SCN8A: variants seen among roughly 807,000 people sequenced by gnomAD.
SCN8A encodes sodium channel protein type 8 subunit alpha.
In SCN8A, 30 loss-of-function variants were observed where a neutral mutation model predicts 184.1. The observed-to-expected ratio is 0.16, with a 90% CI of 0.12 to 0.22. The LOEUF (loss-of-function observed/expected upper bound fraction) is 0.22, where lower values mean the gene tolerates loss of function less well. Among genes scored for constraint, SCN8A ranks in the 10% least tolerant of loss-of-function variants. The pLI is 1.00. For synonymous variants in SCN8A, 852 were observed against 907.0 expected (o/e 0.94, Z 1.09); for missense variants, 1,057 against 2,498.9 (o/e 0.42, Z 12.30).
chr12:51,722,383 TG>T (rs1364703816), intron 12 of SCN8A: 1 of 168,130 alleles, frequency 5.9e-6, no homozygotes, highest in Non-Finnish European at 1.3e-5. Flanking sequence ...TGAACCGGTT[TG>T]GAACTACCAT....
At chr12:51,629,143 ATTTCT>A (rs935690491) in intron 1 of SCN8A, among the ~76,000 whole-genome samples, 1 of 152,142 alleles carries the variant, frequency 6.6e-6, no homozygotes, top group Non-Finnish European at 1.5e-5. Flanking sequence ...TGAGAAATAG[ATTTCT>A]TTATTAGCAG....
Position 51,793,798 on chromosome 12 carries a change from A to G in SCN8A, c.4525-573A>G, listed in dbSNP as rs1211680156. ...ATTGCTATGTGCTATGATCGCGCCT[A>G]TGCATAGCCACTGCACTCCAGCCTG... On this transcript the variant is annotated intron_variant, in intron 25 of 26. Coordinates refer to ENST00000627620, the MANE Select transcript of SCN8A (RefSeq NM_001330260.2). 3.3e-5 allele frequency among the ~76,000 whole-genome samples: 5 copies of G among 151,974 alleles called. No homozygotes were observed. The East Asian group carries it at 9.6e-4, about 29-fold the overall frequency.
At chr12:51,689,159 G>A in intron 6 of SCN8A, 63 bp downstream of exon 6, 1 of 1,222,906 alleles carries the variant, frequency 8.2e-7, no homozygotes, top group Non-Finnish European at 1.2e-6. Flanking sequence ...CATTCGTTTT[G>A]TCCACCATTC....
At chr12:51,613,927 C>A (rs748328786) in intron 1 of SCN8A, among the ~76,000 whole-genome samples, 8 of 151,988 alleles carry the variant, frequency 5.3e-5, no homozygotes, top group Non-Finnish European at 1.0e-4. Context: ...TGTATTATTT[C>A]AATATTTTAC....
intron 12 of SCN8A, among the ~76,000 whole-genome samples, chr12:51,733,925 T>C (rs947458703): frequency 3.3e-5 from 5 of 152,204 alleles, no homozygotes; most frequent in African/African-American, 1.2e-4. Flanking sequence ...GTTTCCCTTT[T>C]CATTTCTGAT....
chr12:51,768,984 T>C lies in SCN8A; in HGVS notation c.3021T>C (p.Gly1007=), dbSNP rs1478818479. The part of the protein sequence containing the change: ...LQISVIRIKK[G]VAWTKLKVHA... ...TCTCAGTGATCCGTATCAAGAAGGG[T>C]GTGGCCTGGACCAAACTAAAGGTGC... The change falls in exon 17 of 27, where the codon GGT becomes GGC. Residue 1007 remains glycine (G), a synonymous_variant. Coordinates refer to ENST00000627620, the MANE Select transcript of SCN8A (RefSeq NM_001330260.2). The C allele has an allele frequency of 6.2e-7, 1 of 1,613,900 alleles. No homozygotes were observed. The highest frequency in any genetic ancestry group is 1.1e-5 in the South Asian group (1 of 91,070).
At chr12:51,745,367 G>T (rs1942493428) in intron 12 of SCN8A, among the ~76,000 whole-genome samples, 1 of 152,154 alleles carries the variant, frequency 6.6e-6, no homozygotes, top group South Asian at 2.1e-4. Flanking sequence ...CTAATATTCA[G>T]TTAGGCCCAG....
At chr12:51,600,706 T>C (rs1191897890) in intron 1 of SCN8A, among the ~76,000 whole-genome samples, 2 of 152,044 alleles carry the variant, frequency 1.3e-5, no homozygotes, top group Non-Finnish European at 2.9e-5. Flanking sequence ...GAAATGATCA[T>C]TGAATGAGAA....
intron 18 of SCN8A, 58 bp from the exon 19 acceptor site, chr12:51,770,471 G>A: frequency 2.7e-6 from 4 of 1,496,282 alleles, no homozygotes; most frequent in Non-Finnish European, 3.6e-6. Context: ...TGGAGGAGAG[G>A]GCAGGTCTGG....
chr12:51,696,655 C>T (rs546063327), intron 6 of SCN8A, among the ~76,000 whole-genome samples: 3 of 152,304 alleles, frequency 2.0e-5, no homozygotes, highest in Admixed American at 6.5e-5. Context: ...CTACTGCCCA[C>T]TGCTGTGTAG....
At chr12:51,761,072 T>C (rs1942755598) in intron 14 of SCN8A, among the ~76,000 whole-genome samples, 1 of 152,236 alleles carries the variant, frequency 6.6e-6, no homozygotes, top group Non-Finnish European at 1.5e-5. Flanking sequence ...GTTTTAAATC[T>C]ATTGTAAAAA....
intron 13 of SCN8A, among the ~76,000 whole-genome samples, chr12:51,748,171 C>T (rs1942542570): frequency 6.6e-6 from 1 of 152,198 alleles, no homozygotes. Flanking sequence ...GTATTTAATG[C>T]TTGCTACAGC....
intron 26 of SCN8A, among the ~76,000 whole-genome samples, chr12:51,801,902 A>G (rs1390394797): frequency 6.6e-6 from 1 of 152,140 alleles, no homozygotes; most frequent in African/African-American, 2.4e-5. Flanking sequence ...TAAAAATACA[A>G]AAATTAGCCG....
At position 51,694,081 on chromosome 12, in the gene SCN8A, C is replaced by T. The variant is rs1364067761; in HGVS notation, c.706+4985C>T. Reference sequence around the variant, plus strand: ...CTGAGTAGCTAGGATTACAAGCATGCGCCACAACGCCCAGCTAATTTTTGT... The same window carrying T: ...CTGAGTAGCTAGGATTACAAGCATGTGCCACAACGCCCAGCTAATTTTTGT... On this transcript the variant is annotated intron_variant, in intron 6 of 26. Coordinates refer to ENST00000627620, the MANE Select transcript of SCN8A (RefSeq NM_001330260.2). Among the ~76,000 whole-genome samples the T allele has an allele frequency of 5.3e-5, 8 of 152,226 alleles. No individual in the cohort carries two copies. The South Asian group carries it at 1.2e-3, about 24-fold the overall frequency.
chr12:51,621,390 A>G (rs1296588557), intron 1 of SCN8A, among the ~76,000 whole-genome samples: 1 of 152,210 alleles, frequency 6.6e-6, no homozygotes. Context: ...AGGATAGCCA[A>G]TGAATTCTTA....
chr12:51,657,458 G>A (rs750606032), intron 1 of SCN8A, among the ~76,000 whole-genome samples: 5 of 151,918 alleles, frequency 3.3e-5, no homozygotes, highest in Admixed American at 1.3e-4. Context: ...CAGTTCATTT[G>A]CCTATGTTTT....
rs759685374 is a variant in SCN8A at position 51,662,793 on chromosome 12, A to G, written c.-25A>G. ...GACCTGTCCTGGACGCAGCATAACT[A>G]ACGAAGCTGCTGCAGGATGAGAAGA... On this transcript the variant is annotated 5_prime_UTR_variant, in exon 2 of 27. Transcript: ENST00000627620. The G allele has an allele frequency of 1.9e-6, 3 of 1,610,874 alleles. No individual in the cohort carries two copies. In the East Asian group the frequency reaches 6.7e-5, roughly 36 times the overall value.
chr12:51,606,427 A>C (rs528143973), intron 1 of SCN8A, among the ~76,000 whole-genome samples: 186 of 152,244 alleles, frequency 1.2e-3, no homozygotes, highest in Middle Eastern at 3.4e-3. Context: ...TGGGTTCTCT[A>C]TTCTGTTCCG....
intron 11 of SCN8A, among the ~76,000 whole-genome samples, chr12:51,710,821 C>T (rs1205303398): frequency 1.3e-5 from 2 of 152,134 alleles, no homozygotes; most frequent in African/African-American, 4.8e-5. Context: ...TTTTATCTTT[C>T]TGTTATGTTT....
Sources: gnomAD v4.1 joint callset for allele counts (sites outside exome capture counted in the v4.1 genomes callset) on GRCh38, gnomAD v4.1.1 for gene constraint, MANE v1.5 for transcripts, NCBI Gene and HGNC (gene_info 2026-07-23, HGNC 2026-07-21) for gene names.